Variants in PCDHGA7 observed in about 807,000 individuals in gnomAD.
PCDHGA7 encodes the protein protocadherin gamma subfamily A, 7, also known as protocadherin gamma-A7.
In PCDHGA7, 44 loss-of-function variants were observed where a neutral mutation model predicts 58.3. That is an observed-to-expected ratio of 0.75 (90% CI 0.59 to 0.97). The LOEUF is 0.97. Ranked by LOEUF, PCDHGA7 falls within the 50% of genes least tolerant of loss-of-function variation. PCDHGA7 has a pLI of 0.00. For missense variants in PCDHGA7, 1,266 were observed against 1,188.7 expected (o/e 1.06, Z -0.96); for synonymous variants, 516 against 504.2 (o/e 1.02, Z -0.31).
intron 1 of PCDHGA7, chr5:141,403,959 C>T (rs1415465011): frequency 2.5e-6 from 4 of 1,613,568 alleles, no homozygotes; most frequent in Non-Finnish European, 3.4e-6. Context: ...GTGCTCATTT[C>T]GGTGGAAGAT....
At chr5:141,430,448 G>T in intron 1 of PCDHGA7, 1 of 192,294 alleles carries the variant, frequency 5.2e-6, no homozygotes. Flanking sequence ...ATCCCCTTTT[G>T]AAGAACAGTA....
chr5:141,475,527 C>G (rs1462406655), intron 1 of PCDHGA7, among the ~76,000 whole-genome samples: 2 of 152,172 alleles, frequency 1.3e-5, no homozygotes, highest in African/African-American at 2.4e-5. Context: ...ATGCTAAATG[C>G]CTCCTTACAA....
chr5:141,449,588 CAAA>C (rs768743917), intron 1 of PCDHGA7, among the ~76,000 whole-genome samples: 1 of 57,486 alleles, frequency 1.7e-5, no homozygotes, highest in Non-Finnish European at 3.7e-5. Context: ...GACTCTGTCT[CAAA>C]AAAAAAAAAA....
At chr5:141,433,397 A>C (rs189987785) in intron 1 of PCDHGA7, among the ~76,000 whole-genome samples, 2 of 150,410 alleles carry the variant, frequency 1.3e-5, no homozygotes, top group African/African-American at 4.9e-5. Context: ...CTATCTATCT[A>C]TCTATCTATT....
At chr5:141,454,811 T>TTTTTA (rs1284435092) in intron 1 of PCDHGA7, among the ~76,000 whole-genome samples, 4 of 125,862 alleles carry the variant, frequency 3.2e-5, no homozygotes, top group African/African-American at 1.3e-4. Context: ...TTTTTTTTTT[T>TTTTTA]TTTTTTTTTT....
At chr5:141,413,804 C>G in intron 1 of PCDHGA7, 1 of 1,613,194 alleles carries the variant, frequency 6.2e-7, no homozygotes, top group Non-Finnish European at 8.5e-7. Context: ...GAGGAAGAGG[C>G]CATTCACCAC....
chr5:141,399,165 T>C (rs1423083245), intron 1 of PCDHGA7: 1 of 1,613,774 alleles, frequency 6.2e-7, no homozygotes, highest in South Asian at 1.1e-5. Context: ...TTACATTCCA[T>C]TCTCTACTTG....
intron 1 of PCDHGA7, among the ~76,000 whole-genome samples, chr5:141,437,886 C>T (rs763669578): frequency 1.1e-4 from 17 of 152,140 alleles, no homozygotes; most frequent in Non-Finnish European, 1.5e-4. Context: ...TACAGGCACA[C>T]GCCACCACAC....
At chr5:141,459,215 G>C (rs2098963353) in intron 1 of PCDHGA7, among the ~76,000 whole-genome samples, 1 of 152,112 alleles carries the variant, frequency 6.6e-6, no homozygotes, top group South Asian at 2.1e-4. Flanking sequence ...TACTTCTCCA[G>C]CTCCAGGCAA....
Position 141,485,096 on chromosome 5 carries a change from CCAG to C in PCDHGA7, c.2425-9709_2425-9707del. The C allele has an allele frequency of 8.9e-7, 1 of 1,125,684 alleles. No homozygotes were observed. The highest frequency in any genetic ancestry group is 1.3e-6 in the Non-Finnish European group (1 of 759,466). 69.7% of individuals were successfully genotyped at this position (1,125,684 alleles called of 1,614,324 possible). A position where few individuals can be genotyped will look rare whatever the true frequency, so the allele number is the denominator to read the frequency against. ...CGCGGGGAAAGGGAGATAGGTGTCTCCAGCTGCTGTGGCTGTTTGGGGCGGGTC... is the reference window on the plus strand; with the variant it reads ...CGCGGGGAAAGGGAGATAGGTGTCTCCTGCTGTGGCTGTTTGGGGCGGGTC... On this transcript the variant is annotated intron_variant, in intron 1 of 3. Transcript: ENST00000518325. The surrounding 1 kb of genome is among the most constrained non-coding windows in gnomAD (Gnocchi z 5.7).
intron 1 of PCDHGA7, chr5:141,410,904 A>G (rs2095446600): frequency 3.8e-6 from 1 of 262,528 alleles, no homozygotes; most frequent in African/African-American, 3.2e-5. Flanking sequence ...CCTAGGCTGG[A>G]GTGCAGTGGC....
chr5:141,406,288 G>A (rs72790038), intron 1 of PCDHGA7, among the ~76,000 whole-genome samples: 9,719 of 151,928 alleles, frequency 0.064, 366 homozygotes, highest in African/African-American at 0.1. Context: ...CCAAAGCACT[G>A]GGTGAGGTGT....
intron 1 of PCDHGA7, chr5:141,385,537 T>A (rs1486400401): frequency 1.5e-6 from 2 of 1,341,418 alleles, no homozygotes; most frequent in Non-Finnish European, 1.9e-6. Flanking sequence ...ATTATGAATA[T>A]GTGGACTATC....
At position 141,430,830 on chromosome 5, in the gene PCDHGA7, G is replaced by A. The variant is rs754181300; in HGVS notation, c.2424+45507G>A. The stretch of plus-strand genomic sequence containing the variant: ...CTGGGAATCCTCCTGGGGACTCTGT[G>A]GGAGACCGGATGCACCCAGATACGC... On this transcript the variant is annotated intron_variant, in intron 1 of 3. Coordinates refer to ENST00000518325, the MANE Select transcript of PCDHGA7 (RefSeq NM_018920.4). 8 of 1,554,850 alleles carry A rather than the reference G, an allele frequency of 5.1e-6. No homozygotes were observed. The East Asian group carries it at 1.6e-4, about 31-fold the overall frequency.
intron 1 of PCDHGA7, chr5:141,484,889 T>C (rs2099602721): frequency 2.8e-6 from 1 of 363,070 alleles, no homozygotes. Flanking sequence ...GTGGGCTTTT[T>C]CCCCTCCAAT....
At chr5:141,459,703 T>G (rs2098973426) in intron 1 of PCDHGA7, among the ~76,000 whole-genome samples, 1 of 152,226 alleles carries the variant, frequency 6.6e-6, no homozygotes, top group African/African-American at 2.4e-5. Context: ...CTTGCTACAT[T>G]TTCTCACCAA....
At chr5:141,436,676 G>T (rs1019010328) in intron 1 of PCDHGA7, among the ~76,000 whole-genome samples, 1 of 152,238 alleles carries the variant, frequency 6.6e-6, no homozygotes, top group African/African-American at 2.4e-5. Flanking sequence ...ACCAAAAAAA[G>T]GATTTATATT....
At chr5:141,415,589 T>A in intron 1 of PCDHGA7, 1 of 1,614,062 alleles carries the variant, frequency 6.2e-7, no homozygotes, top group East Asian at 2.2e-5. Flanking sequence ...AAGTTTCCTA[T>A]AGAGGATACC....
In PCDHGA7 at chr5:141,383,248, T is replaced by A; in HGVS notation, c.349T>A (p.Tyr117Asn). 6.2e-7 allele frequency: 1 copy of A among 1,613,948 alleles called. No individual in the cohort carries two copies. The change falls in exon 1 of 4, where the codon TAC becomes AAC. Residue 117 changes from tyrosine to asparagine, a missense_variant. Coordinates refer to ENST00000518325, the MANE Select transcript of PCDHGA7 (RefSeq NM_018920.4). ...CCTGATGGAAGATAAAATGAATCTT[T>A]ACCCTATAGACGTGGAAATAATAGA... Reference protein sequence around the residue: ...NILMEDKMNLYPIDVEIIDIN... With the variant: ...NILMEDKMNLNPIDVEIIDIN...
Sources: allele counts gnomAD v4.1 joint callset (sites outside exome capture counted in the v4.1 genomes callset), GRCh38; gene constraint gnomAD v4.1.1; non-coding constraint Gnocchi (gnomAD v3.1); transcripts MANE v1.5; gene names NCBI Gene and HGNC (gene_info 2026-07-23, HGNC 2026-07-21).